Variants in CACNA1A observed in about 807,000 individuals in gnomAD.
CACNA1A encodes calcium voltage-gated channel subunit alpha1 A.
A neutral mutation model predicts 262.4 loss-of-function variants in CACNA1A; 57 were observed. That is an observed-to-expected ratio of 0.22 (90% CI 0.18 to 0.27). The LOEUF (loss-of-function observed/expected upper bound fraction) is 0.27, where lower values mean the gene tolerates loss of function less well. Among genes scored for constraint, CACNA1A ranks in the 10% least tolerant of loss-of-function variants. CACNA1A has a pLI of 1.00. For synonymous variants in CACNA1A, 1,431 were observed against 1,419.3 expected (o/e 1.01, Z -0.18); for missense variants, 2,526 against 3,562.8 (o/e 0.71, Z 7.41).
chr19:13,439,058 A>G (rs1024420382), intron 3 of CACNA1A, among the ~76,000 whole-genome samples: 2 of 150,694 alleles, frequency 1.3e-5, no homozygotes, highest in African/African-American at 2.4e-5. Flanking sequence ...TTTTCTGACT[A>G]TCCTGTTCCC....
chr19:13,207,645 C>G lies in CACNA1A; in HGVS notation c.7189G>C (p.Val2397Leu). The G allele has an allele frequency of 6.8e-7, 1 of 1,464,802 alleles. No individual in the cohort carries two copies. Among genetic ancestry groups the G allele is most frequent in the Non-Finnish European group, 9.0e-7 (1 of 1,108,090 alleles). 90.7% of individuals were successfully genotyped at this position (1,464,802 alleles called of 1,614,324 possible). A position where few individuals can be genotyped will look rare whatever the true frequency, so the allele number is the denominator to read the frequency against. The change falls in exon 47 of 47, where the codon GTG becomes CTG. Residue 2397 changes from valine (V) to leucine (L), a missense_variant. Physicochemically the swap from Val to Leu is conservative, Grantham distance 32. Transcript: ENST00000360228. This position sits in a 1 kb window ranked among gnomAD's most constrained non-coding sequence, Gnocchi z 5.7. ...GARWPASGPHVSEGPPGPRHH... is the reference protein window; with the variant it reads ...GARWPASGPHLSEGPPGPRHH... ...CGGGGACCCGGGGGCCCCTCGGACACGTGCGGGCCAGATGCCGGCCACCGG... is the reference window on the plus strand; with the variant it reads ...CGGGGACCCGGGGGCCCCTCGGACAGGTGCGGGCCAGATGCCGGCCACCGG...
intron 3 of CACNA1A, among the ~76,000 whole-genome samples, chr19:13,402,230 G>A (rs913814573): frequency 2.0e-5 from 3 of 152,204 alleles, no homozygotes; most frequent in African/African-American, 7.2e-5. Flanking sequence ...TCCCATTGGG[G>A]ATGAGGAAAG....
chr19:13,326,108 G>A (rs896452400), intron 10 of CACNA1A, among the ~76,000 whole-genome samples: 1 of 152,026 alleles, frequency 6.6e-6, no homozygotes, highest in African/African-American at 2.4e-5. Context: ...TTGAGGTCAG[G>A]AGTTTGAGAC....
chr19:13,222,304 CGT>C (rs1480669127), intron 38 of CACNA1A, among the ~76,000 whole-genome samples: 2 of 151,700 alleles, frequency 1.3e-5, no homozygotes, highest in African/African-American at 4.8e-5. Flanking sequence ...GGCCTCCCAG[CGT>C]GCTCAGATTA....
chr19:13,321,004 C>A, intron 10 of CACNA1A, among the ~76,000 whole-genome samples: 1 of 151,496 alleles, frequency 6.6e-6, no homozygotes, highest in East Asian at 1.9e-4. Flanking sequence ...GTAACTGGTA[C>A]CAGTCTGAAA....
In CACNA1A at chr19:13,206,725, T is replaced by C. The variant is rs997271138; in HGVS notation, c.*588A>G. ...TTTCTGCAGGCAGTAATAGTAGGGT[T>C]TGGTATAACCGGCAAGCACTCTTGT... On this transcript the variant is annotated 3_prime_UTR_variant, in exon 47 of 47. Coordinates refer to ENST00000360228, the MANE Select transcript of CACNA1A (RefSeq NM_001127222.2). 6.5e-6 allele frequency: 1 copy of C among 154,160 alleles called. No individual in the cohort carries two copies. The highest frequency in any genetic ancestry group is 1.5e-5 in the Non-Finnish European group (1 of 68,192). 9.5% of individuals were successfully genotyped at this position (154,160 alleles called of 1,614,324 possible). A position where few individuals can be genotyped will look rare whatever the true frequency, so the allele number is the denominator to read the frequency against.
At chr19:13,405,313 C>T (rs1257563807) in intron 3 of CACNA1A, among the ~76,000 whole-genome samples, 4 of 152,142 alleles carry the variant, frequency 2.6e-5, no homozygotes, top group African/African-American at 9.7e-5. Context: ...CCACCTCAGC[C>T]TCCCAAGTAG....
chr19:13,250,960 C>T (rs62108597), intron 30 of CACNA1A, among the ~76,000 whole-genome samples: 19 of 151,148 alleles, frequency 1.3e-4, no homozygotes, highest in African/African-American at 4.4e-4. Context: ...GGTGAAACCC[C>T]GTCTCTACTA....
chr19:13,400,634 A>C lies in CACNA1A; in HGVS notation c.540-28855T>G, dbSNP rs77436229. Reference sequence around the variant, plus strand: ...CAATCTAGAACAGTGACTCTCAACCAGGGGTGATTTCACCTCCCAGGGGAC... The same window carrying C: ...CAATCTAGAACAGTGACTCTCAACCCGGGGTGATTTCACCTCCCAGGGGAC... On this transcript the variant is annotated intron_variant, in intron 3 of 46. Coordinates refer to ENST00000360228, the MANE Select transcript of CACNA1A (RefSeq NM_001127222.2). Among the ~76,000 whole-genome samples, 839 of 152,286 alleles carry C rather than the reference A, an allele frequency of 5.5e-3. 2 individuals carry two copies. Among genetic ancestry groups the C allele is most frequent in the Middle Eastern group, 0.014 (4 of 294 alleles).
intron 3 of CACNA1A, among the ~76,000 whole-genome samples, chr19:13,424,428 T>C (rs1265350712): frequency 6.6e-6 from 1 of 152,130 alleles, no homozygotes; most frequent in Non-Finnish European, 1.5e-5. Flanking sequence ...TGCTGGATGT[T>C]CTATTACTTA....
At chr19:13,441,830 T>G (rs1180354848) in intron 3 of CACNA1A, among the ~76,000 whole-genome samples, 1 of 152,054 alleles carries the variant, frequency 6.6e-6, no homozygotes, top group Non-Finnish European at 1.5e-5. Flanking sequence ...AGATGCCCCT[T>G]GGAGGCAGGC....
chr19:13,393,935 C>T (rs2059766085), intron 3 of CACNA1A, among the ~76,000 whole-genome samples: 1 of 151,916 alleles, frequency 6.6e-6, no homozygotes, highest in Non-Finnish European at 1.5e-5. Flanking sequence ...CCTGCCTCAG[C>T]CTCACTCGGC....
At chr19:13,359,912 C>T (rs969756207) in intron 5 of CACNA1A, 113 bp from the exon 6 acceptor site, 7 of 638,220 alleles carry the variant, frequency 1.1e-5, no homozygotes, top group Middle Eastern at 3.4e-4. Context: ...TTGGGACAAA[C>T]GTGATCAGTC....
rs1390636972 is a variant in CACNA1A, at chr19:13,214,083, G to C, written c.5940+150C>G. ...CTCTGCCCTGGCCTCTCAAAGCACT[G>C]AGATTGCAGGTGTGAGCTGCTGTGC... is the stretch of plus-strand genomic sequence containing the variant. On this transcript the variant is annotated intron_variant, in intron 40 of 46. Transcript: ENST00000360228. The surrounding 1 kb of genome is among the most constrained non-coding windows in gnomAD (Gnocchi z 4.1). 1 of 643,906 alleles carries C rather than the reference G, an allele frequency of 1.6e-6. No individual in the cohort carries two copies. The highest frequency in any genetic ancestry group is 2.4e-5 in the Admixed American group (1 of 41,472). The allele number at this position is 643,906 out of a possible 1,614,324, so 39.9% of individuals were successfully genotyped here.
intron 4 of CACNA1A, chr19:13,365,973 A>G (rs2059203456): frequency 6.8e-6 from 1 of 146,762 alleles, no homozygotes; most frequent in Non-Finnish European, 1.5e-5. Context: ...CCTGGCCCCT[A>G]TTATTATTAT....
intron 2 of CACNA1A, among the ~76,000 whole-genome samples, chr19:13,454,234 C>A (rs920227289): frequency 2.0e-5 from 3 of 151,692 alleles, no homozygotes; most frequent in Non-Finnish European, 4.4e-5. Context: ...TCGCAACCCT[C>A]GAATCATGCC....
chr19:13,275,709 T>G (rs1331584757), intron 24 of CACNA1A, 141 bp downstream of exon 24: 25 of 680,330 alleles, frequency 3.7e-5, no homozygotes, highest in Non-Finnish European at 6.4e-5. Context: ...CTCTTCCTGG[T>G]GGCATGCTGA....
intron 3 of CACNA1A, among the ~76,000 whole-genome samples, chr19:13,395,993 T>C (rs60474626): frequency 0.028 from 4,193 of 152,366 alleles, 186 homozygotes; most frequent in African/African-American, 0.096. Flanking sequence ...CCGCTGTCCA[T>C]ACTTTGTTGA....
chr19:13,480,692 A>C (rs1175320196), intron 1 of CACNA1A, among the ~76,000 whole-genome samples: 1 of 152,080 alleles, frequency 6.6e-6, no homozygotes, highest in Non-Finnish European at 1.5e-5. Flanking sequence ...AAAATAGAGA[A>C]AAAAAGTTAC....
Sources: gnomAD v4.1 joint callset for allele counts (sites outside exome capture counted in the v4.1 genomes callset) on GRCh38, gnomAD v4.1.1 for gene constraint, Gnocchi (gnomAD v3.1) non-coding constraint, MANE v1.5 for transcripts, NCBI Gene and HGNC (gene_info 2026-07-23, HGNC 2026-07-21) for gene names.